SCUBE2: variants seen among roughly 807,000 people sequenced by gnomAD.
The protein encoded by SCUBE2 is signal peptide, CUB domain and EGF like domain containing 2, also known as signal peptide, CUB and EGF-like domain-containing protein 2.
A neutral mutation model predicts 125.9 loss-of-function variants in SCUBE2; 114 were observed. That is an observed-to-expected ratio of 0.91 (90% CI 0.78 to 1.06). The LOEUF is 1.06. SCUBE2 is among the 50% of genes least tolerant of loss of function. The probability of loss-of-function intolerance (pLI) is 0.00; values close to 1 mark genes in which losing one functional copy is unlikely to be tolerated. For synonymous variants in SCUBE2, 459 were observed against 492.9 expected (o/e 0.93, Z 0.91); for missense variants, 1,255 against 1,301.8 (o/e 0.96, Z 0.55).
Position 9,021,134 on chromosome 11 carries a change from T to C in SCUBE2, c.2998A>G (p.Thr1000Ala). Residue 1000 changes from threonine to alanine, a missense_variant, in exon 23 of 23, where the codon ACA becomes GCA. Physicochemically the swap from Thr to Ala is moderately conservative, Grantham distance 58. This residue lies in a region of SCUBE2 where 515 missense variants were observed against 515.7 expected (regional missense o/e 1.00). Coordinates refer to ENST00000649792, the MANE Select transcript of SCUBE2 (RefSeq NM_001367977.2). ...LAHPQNYFKYTAQESREMFPR... is the reference protein window; with the variant it reads ...LAHPQNYFKYAAQESREMFPR... ...AACATCTCTCGGGACTCCTGGGCTGTGTACTTGAAATAGTTCTGGGGATGG... is the reference window on the plus strand; with the variant it reads ...AACATCTCTCGGGACTCCTGGGCTGCGTACTTGAAATAGTTCTGGGGATGG... 1 of 1,613,058 alleles carries C rather than the reference T, an allele frequency of 6.2e-7. No individual in the cohort carries two copies. The highest frequency in any genetic ancestry group is 8.5e-7 in the Non-Finnish European group (1 of 1,179,440).
chr11:9,025,623 A>G, intron 21 of SCUBE2, 79 bp downstream of exon 21: 1 of 1,542,064 alleles, frequency 6.5e-7, no homozygotes, highest in South Asian at 1.2e-5. Flanking sequence ...TGTGCTTGTC[A>G]GCAGTTTGCC....
At chr11:9,033,925 C>T (rs765338786) in intron 16 of SCUBE2, 129 bp from the exon 17 acceptor site, 54 of 841,770 alleles carry the variant, frequency 6.4e-5, no homozygotes, top group African/African-American at 2.0e-4. Context: ...TCCCTGAATA[C>T]GCAGTGTGCC....
At chr11:9,063,049 G>A (rs2135642186) in intron 7 of SCUBE2, among the ~76,000 whole-genome samples, 1 of 151,958 alleles carries the variant, frequency 6.6e-6, no homozygotes, top group Admixed American at 6.6e-5. Context: ...AGACCAGCCT[G>A]GCCAACATAG....
At chr11:9,024,862 A>G (rs920559602) in intron 21 of SCUBE2, among the ~76,000 whole-genome samples, 8 of 152,192 alleles carry the variant, frequency 5.3e-5, no homozygotes, top group Non-Finnish European at 8.8e-5. Context: ...TTGGGCTGTT[A>G]TAGCAGCTAT....
chr11:9,082,469 TAGGTATATACCCAGA>T (rs1197327186), intron 2 of SCUBE2, among the ~76,000 whole-genome samples: 3 of 152,190 alleles, frequency 2.0e-5, no homozygotes, highest in African/African-American at 7.2e-5. Flanking sequence ...ATCCCACTCC[TAGGTATATACCCAGA>T]AGAAATGAAA....
chr11:9,033,760 C>G lies in SCUBE2; in HGVS notation c.2039G>C (p.Arg680Pro), dbSNP rs139233661. The G allele has an allele frequency of 6.2e-6, 10 of 1,613,990 alleles. No homozygotes were observed. The highest frequency in any genetic ancestry group is 8.5e-6 in the Non-Finnish European group (10 of 1,180,018). Residue 680 changes from arginine to proline, a missense_variant, in exon 17 of 23, where the codon CGA becomes CCA. This residue lies in a region of SCUBE2 where 515 missense variants were observed against 515.7 expected (regional missense o/e 1.00). Coordinates refer to ENST00000649792, the MANE Select transcript of SCUBE2 (RefSeq NM_001367977.2). ...CRAGTYYDGA[R>P]ERCILCPNGT... ...ATTTGGACATAAAATGCAGCGTTCT[C>G]GTGCTCCATCATAATAGGTCCCAGC...
chr11:9,068,995 G>A (rs779690046), intron 5 of SCUBE2, among the ~76,000 whole-genome samples: 2 of 152,250 alleles, frequency 1.3e-5, no homozygotes, highest in Non-Finnish European at 2.9e-5. Flanking sequence ...GGCAAGGGGA[G>A]TAGTGTCTGC....
intron 10 of SCUBE2, 148 bp downstream of exon 10, chr11:9,055,645 T>G: frequency 1.5e-6 from 1 of 678,404 alleles, no homozygotes; most frequent in East Asian, 2.5e-5. Flanking sequence ...GATCCTGCTC[T>G]CAAGTTGATG....
chr11:9,029,886 T>C lies in SCUBE2; in HGVS notation c.2501A>G (p.Lys834Arg). 1 of 1,614,184 alleles carries C rather than the reference T, an allele frequency of 6.2e-7. No homozygotes were observed. The highest frequency in any genetic ancestry group is 8.5e-7 in the Non-Finnish European group (1 of 1,180,024). ...FDGSTNITQC[K>R]NRRCGGELGD... ...AAAAGCCTTAGAGAGGGACCTACTT[T>C]TACACTGGGTTATGTTTGTGGAGCC... The change falls in exon 19 of 23, where the codon AAA (lysine) becomes AGA (arginine). Residue 834 changes from lysine (K) to arginine (R), a missense_variant and splice_region_variant. By Grantham distance (26) the Lys-to-Arg change is conservative. Around this residue, in one of 3 missense-constraint regions of SCUBE2, gnomAD observed 515 missense variants for 515.7 expected, o/e 1.00. Coordinates refer to ENST00000649792, the MANE Select transcript of SCUBE2 (RefSeq NM_001367977.2).
Position 9,091,271 on chromosome 11 carries a change from C to T in SCUBE2, c.133+125G>A. On this transcript the variant is annotated intron_variant, in intron 1 of 22. Transcript: ENST00000649792. The surrounding 1 kb of genome is among the most constrained non-coding windows in gnomAD (Gnocchi z 8.5). ...GTGAGGTCCCGGGGGGAGCAGAGGC[C>T]CCCGCGGAGCTGCAGCCGCCAGCCC... The T allele has an allele frequency of 1.6e-6, 1 of 628,894 alleles. No homozygotes were observed. The highest frequency in any genetic ancestry group is 1.9e-5 in the African/African-American group (1 of 51,648). 39.0% of individuals were successfully genotyped at this position (628,894 alleles called of 1,614,324 possible). A position where few individuals can be genotyped will look rare whatever the true frequency, so the allele number is the denominator to read the frequency against.
chr11:9,047,363 G>A lies in SCUBE2; in HGVS notation c.1995C>T (p.Asn665=). 6.2e-7 allele frequency: 1 copy of A among 1,614,158 alleles called. No homozygotes were observed. ...ATGTCCCAGGCCACTCACCACATTG[G>A]TTTTCTGCATGACCCTGGCCCACTC... is the stretch of plus-strand genomic sequence containing the variant. ...SCGVGQGHAE[N]QCVSCRAGTY... Residue 665 remains asparagine (N), a synonymous_variant, in exon 16 of 23, where the codon AAC becomes AAT. Transcript: ENST00000649792.
chr11:9,071,451 G>A (rs1037542251), intron 4 of SCUBE2, among the ~76,000 whole-genome samples: 4 of 152,296 alleles, frequency 2.6e-5, no homozygotes, highest in South Asian at 2.1e-4. Context: ...CTCTGGAAAC[G>A]CTGACAGCTT....
chr11:9,080,603 G>C (rs10840168), intron 2 of SCUBE2, among the ~76,000 whole-genome samples: 23,854 of 150,394 alleles, frequency 0.16, 6,131 homozygotes, highest in African/African-American at 0.54. Flanking sequence ...GAGCCAAGAT[G>C]ACACCACTGC....
rs771803722 is a variant in SCUBE2, at chr11:9,053,083, A to T, written c.1447+16T>A. ...CCCAGTGTGAGGACCTGCCCCGGGA[A>T]CTGGGCCCCACTCACCTGAAGAGAG... On this transcript the variant is annotated intron_variant, in intron 12 of 22. Transcript: ENST00000649792. The T allele has an allele frequency of 3.8e-5, 61 of 1,604,636 alleles. No homozygotes were observed. In the South Asian group the frequency reaches 6.6e-4, roughly 17 times the overall value.
At chr11:9,069,796 T>A (rs904076191) in intron 4 of SCUBE2, among the ~76,000 whole-genome samples, 1 of 152,244 alleles carries the variant, frequency 6.6e-6, no homozygotes, top group Admixed American at 6.5e-5. Context: ...GAACTGGTAC[T>A]CACGCTCTTA....
At chr11:9,058,039 T>TA (rs970267419) in intron 9 of SCUBE2, among the ~76,000 whole-genome samples, 12 of 152,214 alleles carry the variant, frequency 7.9e-5, no homozygotes, top group Admixed American at 7.8e-4. Flanking sequence ...CTGCAGCCCT[T>TA]ATATGGGAAG....
chr11:9,060,299 C>T (rs546140209), intron 8 of SCUBE2, 109 bp downstream of exon 8: 18 of 775,776 alleles, frequency 2.3e-5, no homozygotes, highest in African/African-American at 8.6e-5. Flanking sequence ...AAGCAAATCT[C>T]GAGTCACGTG....
intron 16 of SCUBE2, among the ~76,000 whole-genome samples, chr11:9,042,277 T>C (rs1857324374): frequency 6.6e-6 from 1 of 152,114 alleles, no homozygotes; most frequent in African/African-American, 2.4e-5. Context: ...CCTACAGCTG[T>C]GTCCCTTCTC....
chr11:9,091,428 G>C lies in SCUBE2; in HGVS notation c.101C>G (p.Pro34Arg). Residue 34 changes from proline to arginine, a missense_variant, in exon 1 of 23, where the codon CCG becomes CGG. Physicochemically the swap from Pro to Arg is moderately radical, Grantham distance 103. This residue lies in a region of SCUBE2 where 362 missense variants were observed against 323.0 expected (regional missense o/e 1.12). Coordinates refer to ENST00000649792, the MANE Select transcript of SCUBE2 (RefSeq NM_001367977.2). This position sits in a 1 kb window ranked among gnomAD's most constrained non-coding sequence, Gnocchi z 8.5. The stretch of plus-strand genomic sequence containing the variant: ...CGGCCCCGCGGCACGGCCCCGACCC[G>C]GCGGGACGGCCCCCGCCAGCAGCAG... ...PLLLLAGAVP[P>R]GRGRAAGPQE... The C allele has an allele frequency of 7.5e-7, 1 of 1,333,000 alleles. No individual in the cohort carries two copies. 82.6% of individuals were successfully genotyped at this position (1,333,000 alleles called of 1,614,324 possible). A position where few individuals can be genotyped will look rare whatever the true frequency, so the allele number is the denominator to read the frequency against.
Sources: allele counts gnomAD v4.1 joint callset (sites outside exome capture counted in the v4.1 genomes callset), GRCh38; gene constraint gnomAD v4.1.1; regional missense constraint gnomAD v4.1.1; non-coding constraint Gnocchi (gnomAD v3.1); transcripts MANE v1.5; gene names NCBI Gene and HGNC (gene_info 2026-07-23, HGNC 2026-07-21).